SCHIP1: variants seen among roughly 807,000 people sequenced by gnomAD.
SCHIP1 encodes schwannomin-interacting protein 1.
A neutral mutation model predicts 29.7 loss-of-function variants in SCHIP1; 8 were observed. The observed-to-expected ratio is 0.27, with a 90% CI of 0.16 to 0.49. The LOEUF (loss-of-function observed/expected upper bound fraction) is 0.49. Ranked by LOEUF, SCHIP1 falls within the 20% of genes least tolerant of loss-of-function variation. SCHIP1 has a pLI of 0.99. For synonymous variants in SCHIP1, 76 were observed against 94.9 expected (o/e 0.80, Z 1.16); for missense variants, 193 against 294.6 (o/e 0.66, Z 2.52).
chr3:159,725,613 C>T, the SCHIP1 span, among the ~76,000 whole-genome samples: 1 of 152,130 alleles, frequency 6.6e-6, no homozygotes, highest in South Asian at 2.1e-4. Flanking sequence ...TTCATTTCTG[C>T]CCACTCTCCC....
At chr3:159,778,577 G>A in the SCHIP1 span, among the ~76,000 whole-genome samples, 2 of 152,164 alleles carry the variant, frequency 1.3e-5, no homozygotes, top group Non-Finnish European at 2.9e-5. Context: ...ACTGTAATAA[G>A]TAATATATCC....
chr3:159,755,780 A>G, the SCHIP1 span, among the ~76,000 whole-genome samples: 1 of 152,250 alleles, frequency 6.6e-6, no homozygotes. Flanking sequence ...TTGGGTAAAT[A>G]CAGCCATTCC....
chr3:159,285,660 A>G, the SCHIP1 span, among the ~76,000 whole-genome samples: 607 of 152,154 alleles, frequency 4.0e-3, 3 homozygotes, highest in Non-Finnish European at 4.8e-3. Context: ...AGAAACATTC[A>G]ATTTTTATTC....
At chr3:159,451,506 T>C in the SCHIP1 span, among the ~76,000 whole-genome samples, 2 of 152,256 alleles carry the variant, frequency 1.3e-5, no homozygotes, top group Non-Finnish European at 2.9e-5. Context: ...ACATGAACTA[T>C]GCTTTAACTG....
At chr3:159,510,459 C>G in the SCHIP1 span, among the ~76,000 whole-genome samples, 1 of 152,208 alleles carries the variant, frequency 6.6e-6, no homozygotes, top group Non-Finnish European at 1.5e-5. Flanking sequence ...AAGCCTTCTT[C>G]TCTCAACTCG....
chr3:159,759,571 G>A, the SCHIP1 span, among the ~76,000 whole-genome samples: 1 of 152,150 alleles, frequency 6.6e-6, no homozygotes, highest in Non-Finnish European at 1.5e-5. Context: ...TCCTTCATGA[G>A]GAATCTGTGG....
chr3:159,570,009 T>C, the SCHIP1 span, among the ~76,000 whole-genome samples: 1 of 151,646 alleles, frequency 6.6e-6, no homozygotes, highest in Non-Finnish European at 1.5e-5. Flanking sequence ...GACTTTTGGA[T>C]GGGTTTTGAG....
the SCHIP1 span, among the ~76,000 whole-genome samples, chr3:159,281,459 A>G: frequency 6.6e-6 from 1 of 152,222 alleles, no homozygotes; most frequent in East Asian, 1.9e-4. Flanking sequence ...ATATTAAAAG[A>G]TGATAAATTT....
the SCHIP1 span, among the ~76,000 whole-genome samples, chr3:159,471,671 T>G: frequency 6.6e-6 from 1 of 152,096 alleles, no homozygotes; most frequent in African/African-American, 2.4e-5. Context: ...TGTTTATTAT[T>G]GTACAATGCA....
At chr3:159,471,127 A>AAC in the SCHIP1 span, among the ~76,000 whole-genome samples, 4 of 152,060 alleles carry the variant, frequency 2.6e-5, no homozygotes, top group Admixed American at 6.6e-5. Flanking sequence ...ACAATAAAAC[A>AAC]ACACACACAC....
chr3:159,317,665 G>C, the SCHIP1 span, among the ~76,000 whole-genome samples: 1 of 152,284 alleles, frequency 6.6e-6, no homozygotes, highest in East Asian at 1.9e-4. Context: ...CAGGATGATG[G>C]GGAACATGGT....
At chr3:159,565,499 C>T in the SCHIP1 span, among the ~76,000 whole-genome samples, 1 of 152,166 alleles carries the variant, frequency 6.6e-6, no homozygotes, top group East Asian at 1.9e-4. Flanking sequence ...ATTTCCTGCC[C>T]TAGTGGCAGC....
Position 159,887,700 on chromosome 3 carries a change from C to T in SCHIP1, c.268-8C>T. Reference sequence around the variant, plus strand: ...GGAAGGCTCAGGCTGCTCTTTTTCCCTTTGCAGAGCAAACAGAGTTCTTCC... The same window carrying T: ...GGAAGGCTCAGGCTGCTCTTTTTCCTTTTGCAGAGCAAACAGAGTTCTTCC... On this transcript the variant is annotated splice_polypyrimidine_tract_variant and splice_region_variant and intron_variant, in intron 3 of 6. Transcript: ENST00000445224. 7 of 1,613,790 alleles carry T rather than the reference C, an allele frequency of 4.3e-6. No homozygotes were observed. Among genetic ancestry groups the T allele is most frequent in the Non-Finnish European group, 5.1e-6 (6 of 1,179,796 alleles).
At chr3:159,643,073 A>G in the SCHIP1 span, among the ~76,000 whole-genome samples, 1 of 152,040 alleles carries the variant, frequency 6.6e-6, no homozygotes, top group Non-Finnish European at 1.5e-5. Flanking sequence ...GAAACATCTT[A>G]TGTGCTGGGT....
the SCHIP1 span, among the ~76,000 whole-genome samples, chr3:159,491,069 G>A: frequency 6.6e-6 from 1 of 152,200 alleles, no homozygotes; most frequent in Non-Finnish European, 1.5e-5. Flanking sequence ...CAGGTAGGAA[G>A]ACAGTAACAT....
the SCHIP1 span, among the ~76,000 whole-genome samples, chr3:159,664,350 A>T: frequency 6.6e-6 from 1 of 152,284 alleles, no homozygotes; most frequent in South Asian, 2.1e-4. Context: ...TATAGTAGTT[A>T]TAGTCCCTTA....
chr3:159,532,597 T>C, the SCHIP1 span, among the ~76,000 whole-genome samples: 36 of 152,232 alleles, frequency 2.4e-4, no homozygotes, highest in South Asian at 3.1e-3. Context: ...TGGAGTTTCA[T>C]AAAGGAAAAA....
At chr3:159,559,730 C>T in the SCHIP1 span, among the ~76,000 whole-genome samples, 730 of 152,238 alleles carry the variant, frequency 4.8e-3, 4 homozygotes, top group Non-Finnish European at 7.7e-3. Flanking sequence ...CCCTCATGCC[C>T]TTTTGCAGTC....
At chr3:159,517,664 CTGTG>C in the SCHIP1 span, among the ~76,000 whole-genome samples, 1 of 151,908 alleles carries the variant, frequency 6.6e-6, no homozygotes, top group East Asian at 1.9e-4. Context: ...TTTTTAAAAT[CTGTG>C]TGTATGTGTG....
Sources: allele counts gnomAD v4.1 joint callset (sites outside exome capture counted in the v4.1 genomes callset), GRCh38; gene constraint gnomAD v4.1.1; transcripts MANE v1.5; gene names NCBI Gene and HGNC (gene_info 2026-07-23, HGNC 2026-07-21).